Variants in HCN1 observed in about 807,000 individuals in gnomAD.
HCN1 encodes the protein potassium/sodium hyperpolarization-activated cyclic nucleotide-gated channel 1.
Under a neutral mutation model 78.9 loss-of-function variants are expected in HCN1, and 13 were observed. The observed-to-expected ratio is 0.16, with a 90% CI of 0.11 to 0.26. HCN1 has a LOEUF of 0.26. Among genes scored for constraint, HCN1 ranks in the 10% least tolerant of loss-of-function variants. The pLI, the probability that HCN1 is intolerant of heterozygous loss-of-function variation, is 1.00. For synonymous variants in HCN1, 552 were observed against 455.5 expected (o/e 1.21, Z -2.70); for missense variants, 810 against 1,154.3 (o/e 0.70, Z 4.32).
At chr5:45,460,875 T>C (rs1431557404) in intron 3 of HCN1, among the ~76,000 whole-genome samples, 2 of 151,096 alleles carry the variant, frequency 1.3e-5, no homozygotes, top group Non-Finnish European at 2.9e-5. Flanking sequence ...ATGTAATTTC[T>C]ACAAAAATAA....
In HCN1 at chr5:45,255,425, T is replaced by C. The variant is rs1744587535; in HGVS notation, c.*6496A>G. The C allele has an allele frequency of 1.3e-5, 2 of 152,210 alleles. No individual in the cohort carries two copies. The highest frequency in any genetic ancestry group is 6.5e-5 in the Admixed American group (1 of 15,276). The allele number at this position is 152,210 out of a possible 1,614,324, so 9.4% of individuals were successfully genotyped here. A position where few individuals can be genotyped will look rare whatever the true frequency, so the allele number is the denominator to read the frequency against. ...ACACATATGAATCATCTGGGGATCT[T>C]GCCCAAAAGCGGACTTCTGTAGGTA... On this transcript the variant is annotated 3_prime_UTR_variant, in exon 8 of 8. Coordinates refer to ENST00000303230, the MANE Select transcript of HCN1 (RefSeq NM_021072.4).
chr5:45,511,253 T>A (rs941051907), intron 2 of HCN1, among the ~76,000 whole-genome samples: 1 of 152,042 alleles, frequency 6.6e-6, no homozygotes, highest in African/African-American at 2.4e-5. Flanking sequence ...AATAAATGAT[T>A]GAATCAAGAG....
At chr5:45,537,833 A>G (rs1743002334) in intron 2 of HCN1, among the ~76,000 whole-genome samples, 1 of 151,950 alleles carries the variant, frequency 6.6e-6, no homozygotes, top group Admixed American at 6.5e-5. Context: ...GACTACAACT[A>G]TGTAAAGAAC....
chr5:45,391,382 A>C (rs572649550), intron 4 of HCN1, among the ~76,000 whole-genome samples: 1 of 152,296 alleles, frequency 6.6e-6, no homozygotes, highest in East Asian at 1.9e-4. Context: ...AAATCAGCAA[A>C]CCAAATTAGT....
chr5:45,286,242 C>G (rs1386040203), intron 6 of HCN1, among the ~76,000 whole-genome samples: 1 of 151,770 alleles, frequency 6.6e-6, no homozygotes, highest in African/African-American at 2.4e-5. Context: ...ATTATAAGTG[C>G]AAACATTATA....
At chr5:45,310,885 C>A (rs1199786044) in intron 5 of HCN1, among the ~76,000 whole-genome samples, 1 of 152,066 alleles carries the variant, frequency 6.6e-6, no homozygotes. Flanking sequence ...GAACTGGAGG[C>A]TATCATCCCT....
intron 3 of HCN1, among the ~76,000 whole-genome samples, chr5:45,423,693 A>G (rs1229737243): frequency 6.6e-6 from 1 of 152,194 alleles, no homozygotes; most frequent in East Asian, 1.9e-4. Flanking sequence ...TCTGTACAGC[A>G]TCATCTGCTC....
At chr5:45,621,894 G>T (rs1382341472) in intron 2 of HCN1, among the ~76,000 whole-genome samples, 4 of 152,112 alleles carry the variant, frequency 2.6e-5, no homozygotes, top group Non-Finnish European at 5.9e-5. Flanking sequence ...AAAAAAAATT[G>T]TTTTACTTAT....
rs529340037 is a variant in HCN1 at position 45,533,822 on chromosome 5, C to T, written c.850-71815G>A. Among the ~76,000 whole-genome samples, 7 of 152,212 alleles carry T rather than the reference C, an allele frequency of 4.6e-5. No individual in the cohort carries two copies. The East Asian group carries it at 1.2e-3, about 25-fold the overall frequency. On this transcript the variant is annotated intron_variant, in intron 2 of 7. Coordinates refer to ENST00000303230, the MANE Select transcript of HCN1 (RefSeq NM_021072.4). ...GGCTTTTTATGTGTTTTGTAAACTA[C>T]ACAATTCCTAGTGGTGACATTGTCC...
chr5:45,345,387 G>A (rs1013720010), intron 5 of HCN1, among the ~76,000 whole-genome samples: 1 of 152,202 alleles, frequency 6.6e-6, no homozygotes, highest in Non-Finnish European at 1.5e-5. Flanking sequence ...TGTCACTGAT[G>A]TAAATTGCTG....
At chr5:45,376,872 G>A (rs1354877465) in intron 4 of HCN1, among the ~76,000 whole-genome samples, 1 of 151,892 alleles carries the variant, frequency 6.6e-6, no homozygotes, top group African/African-American at 2.4e-5. Context: ...CTGACATTAT[G>A]ATTTCTTAGA....
At chr5:45,315,426 G>C (rs1745963935) in intron 5 of HCN1, among the ~76,000 whole-genome samples, 1 of 152,102 alleles carries the variant, frequency 6.6e-6, no homozygotes, top group Non-Finnish European at 1.5e-5. Context: ...TGTGTAGAGG[G>C]AAATTTATAG....
chr5:45,620,392 T>C (rs1379161551), intron 2 of HCN1, among the ~76,000 whole-genome samples: 1 of 152,028 alleles, frequency 6.6e-6, no homozygotes, highest in Non-Finnish European at 1.5e-5. Flanking sequence ...TGTAAGATGT[T>C]AACATTTTCA....
chr5:45,418,765 C>CT (rs1279823440), intron 3 of HCN1, among the ~76,000 whole-genome samples: 1 of 151,980 alleles, frequency 6.6e-6, no homozygotes, highest in African/African-American at 2.4e-5. Flanking sequence ...CTGGGAATTC[C>CT]TTTTTTGAGC....
chr5:45,351,860 T>C (rs1746911145), intron 5 of HCN1, among the ~76,000 whole-genome samples: 2 of 151,918 alleles, frequency 1.3e-5, no homozygotes, highest in African/African-American at 2.4e-5. Flanking sequence ...TGGCGATCAT[T>C]AAAAAGTCAG....
chr5:45,573,756 G>T (rs186686194), intron 2 of HCN1, among the ~76,000 whole-genome samples: 6 of 152,068 alleles, frequency 3.9e-5, no homozygotes, highest in Admixed American at 3.9e-4. Context: ...GCTGACATTT[G>T]GCCTTGGGAA....
At chr5:45,405,861 T>C (rs1052577043) in intron 3 of HCN1, among the ~76,000 whole-genome samples, 2 of 152,174 alleles carry the variant, frequency 1.3e-5, no homozygotes, top group Non-Finnish European at 2.9e-5. Context: ...GAGTGATGTC[T>C]GATTATTTTG....
intron 1 of HCN1, among the ~76,000 whole-genome samples, chr5:45,648,866 C>A (rs558361738): frequency 6.6e-6 from 1 of 151,954 alleles, no homozygotes; most frequent in South Asian, 2.1e-4. Flanking sequence ...TCTCTCTAAT[C>A]AAGTCCCACC....
intron 2 of HCN1, among the ~76,000 whole-genome samples, chr5:45,469,244 C>A (rs1300029431): frequency 6.6e-6 from 1 of 151,734 alleles, no homozygotes; most frequent in African/African-American, 2.4e-5. Flanking sequence ...GTACCATGCC[C>A]AGGAAAAACG....
Sources: allele counts gnomAD v4.1 joint callset (sites outside exome capture counted in the v4.1 genomes callset), GRCh38; gene constraint gnomAD v4.1.1; transcripts MANE v1.5; gene names NCBI Gene and HGNC (gene_info 2026-07-23, HGNC 2026-07-21).